SMARCA2: variants seen among roughly 807,000 people sequenced by gnomAD.
The protein encoded by SMARCA2 is SWI/SNF-related matrix-associated actin-dependent regulator of chromatin subfamily A member 2.
In SMARCA2, 61 loss-of-function variants were observed where a neutral mutation model predicts 199.8. The ratio of observed to expected loss-of-function variants is 0.31; its 90% CI spans 0.25 to 0.38. The LOEUF is 0.38. SMARCA2 is among the 10% of genes least tolerant of loss of function. The pLI is 1.00. For missense variants in SMARCA2, 1,344 were observed against 2,012.2 expected, an observed-to-expected ratio of 0.67 and a Z score of 6.35; for synonymous variants, 935 against 732.0, an observed-to-expected ratio of 1.28 and a Z score of -4.48.
intron 29 of SMARCA2, among the ~76,000 whole-genome samples, chr9:2,178,626 TATTA>T (rs1302425684): frequency 6.7e-6 from 1 of 150,068 alleles, no homozygotes; most frequent in African/African-American, 2.5e-5. Flanking sequence ...TCAAAAGGTG[TATTA>T]AAAAAAAGCC....
chr9:2,169,293 T>G lies in SMARCA2; in HGVS notation c.4200-1126T>G, dbSNP rs1014695248. On this transcript the variant is annotated intron_variant, in intron 28 of 33. Transcript: ENST00000349721. This position sits in a 1 kb window ranked among gnomAD's most constrained non-coding sequence, Gnocchi z 6.5. ...CTGGCTTCTTTCTGAGGCACCTAAC[T>G]TGTCATTTCATATTGTAACTTTAGA... Among the ~76,000 whole-genome samples the G allele has an allele frequency of 1.3e-5, 2 of 152,130 alleles. No individual in the cohort carries two copies. The highest frequency in any genetic ancestry group is 6.6e-5 in the Admixed American group (1 of 15,264).
At chr9:2,183,417 A>G (rs957834986) in intron 31 of SMARCA2, among the ~76,000 whole-genome samples, 13 of 152,352 alleles carry the variant, frequency 8.5e-5, no homozygotes, top group African/African-American at 3.1e-4. Context: ...AACCAAGGTG[A>G]GGGCACTTTC....
intron 9 of SMARCA2, among the ~76,000 whole-genome samples, chr9:2,064,949 C>T (rs912631685): frequency 6.6e-6 from 1 of 152,200 alleles, no homozygotes; most frequent in Non-Finnish European, 1.5e-5. Flanking sequence ...CTTTGGGAGG[C>T]CGAGGCGGGC....
intron 33 of SMARCA2, 98 bp from the exon 34 acceptor site, chr9:2,192,606 G>A (rs1827962126): frequency 1.2e-6 from 1 of 862,272 alleles, no homozygotes; most frequent in East Asian, 2.4e-5. Flanking sequence ...TTTCCAAAAT[G>A]TCATTTTTTC....
intron 27 of SMARCA2, among the ~76,000 whole-genome samples, chr9:2,126,307 G>T (rs113766202): frequency 6.6e-6 from 1 of 152,206 alleles, no homozygotes; most frequent in African/African-American, 2.4e-5. Flanking sequence ...TTATTGTAAC[G>T]TATCTTTTTG....
rs144176343 is a variant in SMARCA2, at chr9:2,052,980, G to A, written c.1047-1617G>A. ...AATATTCATTTTTTAAGACAATTTC[G>A]ACTTTTATTTTAGATTGAGGGGATT... is the stretch of plus-strand genomic sequence containing the variant. On this transcript the variant is annotated intron_variant, in intron 5 of 33. Coordinates refer to ENST00000349721, the MANE Select transcript of SMARCA2 (RefSeq NM_003070.5). 4.7e-3 allele frequency among the ~76,000 whole-genome samples: 715 copies of A among 152,236 alleles called. 7 individuals are homozygous for A. Among genetic ancestry groups the A allele is most frequent in the African/African-American group, 0.017 (686 of 41,542 alleles).
Position 2,186,228 on chromosome 9 carries a change from G to T in SMARCA2, c.4594G>T (p.Ala1532Ser), listed in dbSNP as rs766018422. The T allele has an allele frequency of 1.9e-6, 3 of 1,613,146 alleles. No homozygotes were observed. The highest frequency in any genetic ancestry group is 1.6e-4 in the Middle Eastern group (1 of 6,078). The change falls in exon 32 of 34, where the codon GCA becomes TCA. Residue 1532 changes from alanine to serine, a missense_variant and splice_region_variant. Transcript: ENST00000349721. ...AGATGAAGAAGAGTCAGAGTCCGAGGGTAAGCCCAGACATTCGGGTCCTGT... is the reference window on the plus strand; with the variant it reads ...AGATGAAGAAGAGTCAGAGTCCGAGTGTAAGCCCAGACATTCGGGTCCTGT... ...EEDEEESESE[A>S]KSVKVKIKLN...
At chr9:2,028,433 G>T (rs1202917543) in intron 1 of SMARCA2, among the ~76,000 whole-genome samples, 1 of 152,202 alleles carries the variant, frequency 6.6e-6, no homozygotes, top group Admixed American at 6.5e-5. Context: ...ACCCATATTT[G>T]TCTGATTCCT....
rs150412870 is a variant in SMARCA2 at position 2,028,392 on chromosome 9, G to A, written c.-36-595G>A. On this transcript the variant is annotated intron_variant, in intron 1 of 33. Transcript: ENST00000349721. ...CTCAAAAGAAGAAACATTAAATAAC[G>A]TAGCTAGTAATTACATATATGAGTA... Among the ~76,000 whole-genome samples, 52 of 152,282 alleles carry A rather than the reference G, an allele frequency of 3.4e-4. No individual in the cohort carries two copies. In the East Asian group the frequency reaches 9.4e-3, roughly 28 times the overall value.
intron 27 of SMARCA2, chr9:2,159,794 C>A: frequency 6.2e-7 from 1 of 1,603,956 alleles, no homozygotes; most frequent in Non-Finnish European, 8.5e-7. Context: ...TTCCCCAGCT[C>A]TCTTTTTTTT....
At chr9:2,140,075 C>T (rs1043503999) in intron 27 of SMARCA2, among the ~76,000 whole-genome samples, 2 of 152,170 alleles carry the variant, frequency 1.3e-5, no homozygotes, top group African/African-American at 4.8e-5. Flanking sequence ...GGCGGTTTTG[C>T]TACTTTCCTT....
chr9:2,155,488 G>A (rs908007984), intron 27 of SMARCA2, among the ~76,000 whole-genome samples: 2 of 152,038 alleles, frequency 1.3e-5, no homozygotes, highest in Non-Finnish European at 2.9e-5. Flanking sequence ...TCACCATATT[G>A]GCCAGGCTGG....
At chr9:2,151,387 A>G (rs1825067915) in intron 27 of SMARCA2, among the ~76,000 whole-genome samples, 1 of 151,616 alleles carries the variant, frequency 6.6e-6, no homozygotes, top group Non-Finnish European at 1.5e-5. Flanking sequence ...GAAAATGGCA[A>G]CAGGATAACG....
chr9:2,136,982 T>C (rs1274938948), intron 27 of SMARCA2, among the ~76,000 whole-genome samples: 3 of 152,162 alleles, frequency 2.0e-5, no homozygotes, highest in Non-Finnish European at 4.4e-5. Flanking sequence ...GGCCAAGCAG[T>C]CTGGCCTCCA....
Position 2,060,982 on chromosome 9 carries a change from A to C in SMARCA2, c.1688A>C (p.Lys563Thr). The change falls in exon 9 of 34, where the codon AAG (lysine) becomes ACG (threonine). Residue 563 changes from lysine (K) to threonine (T), a missense_variant. This residue lies in a region of SMARCA2 where 68 missense variants were observed against 70.4 expected (regional missense o/e 0.97). Transcript: ENST00000349721. ...GAGAAGAAGAAGAGGAGGAGGAGGA[A>C]GAAGGTGCGTATCCTAGTGGTGGTG... ...AKEKKKRRRR[K>T]KKAEENAEGG... The C allele has an allele frequency of 6.2e-7, 1 of 1,613,436 alleles. No individual in the cohort carries two copies. The highest frequency in any genetic ancestry group is 1.1e-5 in the South Asian group (1 of 90,996).
At chr9:2,141,394 T>C (rs1054051807) in intron 27 of SMARCA2, among the ~76,000 whole-genome samples, 38 of 152,342 alleles carry the variant, frequency 2.5e-4, no homozygotes, top group Admixed American at 2.0e-3. Context: ...GTTTAGTGAA[T>C]GTTGAATGTA....
chr9:2,070,375 A>G (rs376274637), intron 9 of SMARCA2, 43 bp from the exon 10 acceptor site: 26 of 1,557,938 alleles, frequency 1.7e-5, no homozygotes, highest in Admixed American at 8.4e-5. Context: ...CCTGTACCCC[A>G]TCATCTTGGT....
chr9:2,125,868 A>G (rs1217319584), intron 27 of SMARCA2, among the ~76,000 whole-genome samples: 1 of 152,248 alleles, frequency 6.6e-6, no homozygotes, highest in Admixed American at 6.5e-5. Context: ...TTATTGGGCA[A>G]GAATGTAGCT....
intron 27 of SMARCA2, among the ~76,000 whole-genome samples, chr9:2,125,915 C>T (rs1189277181): frequency 6.6e-6 from 1 of 152,144 alleles, no homozygotes; most frequent in Non-Finnish European, 1.5e-5. Flanking sequence ...TGGGAATTGC[C>T]CTGAAGAAAA....
Sources: allele counts gnomAD v4.1 joint callset (sites outside exome capture counted in the v4.1 genomes callset), GRCh38; gene constraint gnomAD v4.1.1; regional missense constraint gnomAD v4.1.1; non-coding constraint Gnocchi (gnomAD v3.1); transcripts MANE v1.5; gene names NCBI Gene and HGNC (gene_info 2026-07-23, HGNC 2026-07-21).